The following CEP72 variants were observed in gnomAD, a reference collection of about 807,000 sequenced individuals.
CEP72 encodes centrosomal protein 72, also known as centrosomal protein of 72 kDa.
In CEP72, 78 loss-of-function variants were observed where a neutral mutation model predicts 65.7. That is an observed-to-expected ratio of 1.19 (90% CI 0.99 to 1.43). CEP72 has a LOEUF of 1.43. CEP72 is among the 40% of genes most tolerant of loss of function. The pLI is 0.00. For missense variants in CEP72, 914 were observed against 832.9 expected (o/e 1.10, Z -1.20); for synonymous variants, 358 against 351.7 (o/e 1.02, Z -0.20).
chr5:646,215 T>G (rs1362418887), intron 10 of CEP72, among the ~76,000 whole-genome samples: 1 of 152,266 alleles, frequency 6.6e-6, no homozygotes, highest in Non-Finnish European at 1.5e-5. Context: ...CTTCTTAGCC[T>G]TCACTTCCAG....
chr5:620,336 C>G, intron 3 of CEP72, 75 bp downstream of exon 3: 9 of 1,290,116 alleles, frequency 7.0e-6, no homozygotes, highest in Middle Eastern at 2.3e-4. Flanking sequence ...TAGTGGGTGT[C>G]TGTGTGCTCA....
At chr5:637,457 G>A in intron 6 of CEP72, 60 bp from the exon 7 acceptor site, 1 of 1,494,514 alleles carries the variant, frequency 6.7e-7, no homozygotes, top group South Asian at 1.2e-5. Context: ...AAGTTACAGT[G>A]CTGAACACTG....
intron 1 of CEP72, chr5:663,331 C>G (rs1197259765): frequency 1.3e-5 from 2 of 152,446 alleles, no homozygotes; most frequent in South Asian, 2.1e-4. Context: ...GCTTGGGCAC[C>G]CCCCGCCTTC....
At chr5:620,906 G>C (rs1470117068) in intron 3 of CEP72, among the ~76,000 whole-genome samples, 3 of 152,218 alleles carry the variant, frequency 2.0e-5, no homozygotes, top group Non-Finnish European at 4.4e-5. Context: ...CATTGTTGCT[G>C]TTGCTGTTGC....
intron 6 of CEP72, 41 bp from the exon 7 acceptor site, chr5:637,476 G>A: frequency 6.4e-7 from 1 of 1,571,338 alleles, no homozygotes; most frequent in Non-Finnish European, 8.7e-7. Context: ...TGCACCCAGA[G>A]AATTTGGCCT....
chr5:671,133 TC>T (rs1179196101), downstream of CEP72, among the ~76,000 whole-genome samples: 3 of 151,096 alleles, frequency 2.0e-5, no homozygotes, highest in African/African-American at 7.3e-5. Flanking sequence ...TACCGAAGGC[TC>T]CCCCCTGCCT....
chr5:635,281 A>G (rs1177451175), intron 5 of CEP72, 91 bp from the exon 6 acceptor site: 4 of 986,290 alleles, frequency 4.1e-6, no homozygotes, highest in East Asian at 2.6e-5. Context: ...AACAGATACC[A>G]TACACTATTC....
At chr5:648,710 G>A (rs1370010435) in intron 11 of CEP72, among the ~76,000 whole-genome samples, 3 of 117,634 alleles carry the variant, frequency 2.6e-5, no homozygotes, top group Non-Finnish European at 3.8e-5. Flanking sequence ...AATGTGAGGC[G>A]TGACTGTGAG....
At chr5:649,530 TG>T (rs201774310) in intron 11 of CEP72, among the ~76,000 whole-genome samples, 186 of 36,726 alleles carry the variant, frequency 5.1e-3, no homozygotes, top group Non-Finnish European at 5.6e-3. Context: ...CTGTGAGGTG[TG>T]GACTGTGAGG....
At chr5:633,696 C>T (rs2126776810) in intron 4 of CEP72, 73 bp from the exon 5 acceptor site, 3 of 1,445,818 alleles carry the variant, frequency 2.1e-6, no homozygotes, top group Non-Finnish European at 2.9e-6. Flanking sequence ...AGGAATTTTC[C>T]TTCTCCTGGT....
chr5:629,106 G>A (rs1737033539), intron 4 of CEP72, among the ~76,000 whole-genome samples: 1 of 152,252 alleles, frequency 6.6e-6, no homozygotes, highest in Admixed American at 6.5e-5. Flanking sequence ...CCTGGTCACT[G>A]CCCTTGGGTT....
At chr5:614,088 T>C (rs1735845004) in intron 1 of CEP72, among the ~76,000 whole-genome samples, 1 of 152,258 alleles carries the variant, frequency 6.6e-6, no homozygotes, top group South Asian at 2.1e-4. Flanking sequence ...CTGTGTATTC[T>C]TTCTTTTTTA....
downstream of CEP72, among the ~76,000 whole-genome samples, chr5:670,050 G>A (rs571265405): frequency 7.1e-4 from 108 of 151,568 alleles, no homozygotes; most frequent in African/African-American, 1.3e-3. Flanking sequence ...GATGCCCTGC[G>A]GGGCCTGGAC....
At chr5:637,887 G>A in intron 7 of CEP72, 69 bp downstream of exon 7, 1 of 1,404,136 alleles carries the variant, frequency 7.1e-7, no homozygotes, top group Non-Finnish European at 9.5e-7. Flanking sequence ...TTACGGCTTT[G>A]GCGGGGCCGT....
intron 5 of CEP72, 36 bp downstream of exon 5, chr5:633,983 G>A (rs1219660230): frequency 1.1e-5 from 18 of 1,591,268 alleles, no homozygotes; most frequent in Middle Eastern, 1.8e-4. Context: ...CAGTGGGTCC[G>A]CTGGCTCTGG....
At chr5:619,882 C>T (rs1331002970) in intron 2 of CEP72, among the ~76,000 whole-genome samples, 187 bp from the exon 3 acceptor site, 1 of 152,216 alleles carries the variant, frequency 6.6e-6, no homozygotes, top group Admixed American at 6.5e-5. Flanking sequence ...AAACGACCGT[C>T]TCACCGCGTG....
At chr5:642,800 T>TG (rs1464034045) in intron 9 of CEP72, 19 of 985,290 alleles carry the variant, frequency 1.9e-5, no homozygotes, top group Non-Finnish European at 2.3e-5. Context: ...TGCAGGCTGG[T>TG]GGGCACTGCT....
At chr5:664,324 C>T (rs780914284) in intron 2 of CEP72, 1 of 152,468 alleles carries the variant, frequency 6.6e-6, no homozygotes. Flanking sequence ...TTCCCAGACC[C>T]GCTCTGAGAA....
At chr5:666,983 A>G (rs1382419441) in exon 5 of CEP72, 1 of 152,236 alleles carries the variant, frequency 6.6e-6, no homozygotes. Flanking sequence ...GGACAGCGCG[A>G]GAAAGGCTGC....
Sources: gnomAD v4.1 joint callset for allele counts (sites outside exome capture counted in the v4.1 genomes callset) on GRCh38, gnomAD v4.1.1 for gene constraint, MANE v1.5 for transcripts, NCBI Gene and HGNC (gene_info 2026-07-23, HGNC 2026-07-21) for gene names.